Variants in VSTM4 observed in about 807,000 individuals in gnomAD.
VSTM4 encodes V-set and transmembrane domain-containing protein 4.
In VSTM4, 20 loss-of-function variants were observed where a neutral mutation model predicts 36.4. The ratio of observed to expected loss-of-function variants is 0.55; its 90% CI spans 0.39 to 0.80. VSTM4 has a LOEUF of 0.80. Among genes scored for constraint, VSTM4 ranks in the 30% least tolerant of loss-of-function variants. The pLI, the probability that VSTM4 is intolerant of heterozygous loss-of-function variation, is 0.00. For missense variants in VSTM4, 392 were observed against 404.5 expected, an observed-to-expected ratio of 0.97 and a Z score of 0.26; for synonymous variants, 182 against 173.9, an observed-to-expected ratio of 1.05 and a Z score of -0.37.
chr10:49,019,931 CATAATT>C (rs1427578841), intron 7 of VSTM4, among the ~76,000 whole-genome samples, 156 bp from the exon 8 acceptor site: 1 of 152,154 alleles, frequency 6.6e-6, no homozygotes, highest in Non-Finnish European at 1.5e-5. Flanking sequence ...TATCCAATAA[CATAATT>C]AATAAGATAG....
chr10:49,109,321 A>G (rs1002814469), intron 1 of VSTM4, among the ~76,000 whole-genome samples: 6 of 152,174 alleles, frequency 3.9e-5, no homozygotes, highest in African/African-American at 1.2e-4. Flanking sequence ...AACATTTGAC[A>G]AGGAGGCTGT....
chr10:49,033,786 T>C (rs1486375537), intron 7 of VSTM4, among the ~76,000 whole-genome samples: 1 of 152,142 alleles, frequency 6.6e-6, no homozygotes, highest in Non-Finnish European at 1.5e-5. Context: ...ACAATAAGAG[T>C]TGTCTCAAAG....
chr10:49,028,873 A>G (rs571535065), intron 7 of VSTM4, among the ~76,000 whole-genome samples: 1 of 152,382 alleles, frequency 6.6e-6, no homozygotes, highest in Non-Finnish European at 1.5e-5. Flanking sequence ...ACGTCATCTT[A>G]GAGTTTAAAA....
chr10:49,055,663 C>A (rs1314811427), intron 5 of VSTM4, among the ~76,000 whole-genome samples: 1 of 152,244 alleles, frequency 6.6e-6, no homozygotes, highest in African/African-American at 2.4e-5. Flanking sequence ...TTCCCTGCCA[C>A]TGAAACACAC....
At chr10:49,068,578 A>T (rs1194534961) in intron 4 of VSTM4, among the ~76,000 whole-genome samples, 3 of 152,208 alleles carry the variant, frequency 2.0e-5, no homozygotes, top group Non-Finnish European at 4.4e-5. Context: ...TCTGGACATC[A>T]AAGATGAGGT....
chr10:49,106,348 T>C (rs1185698699), intron 2 of VSTM4, among the ~76,000 whole-genome samples: 2 of 152,248 alleles, frequency 1.3e-5, no homozygotes, highest in African/African-American at 2.4e-5. Context: ...TGTGCCAAAC[T>C]AAATTCAATT....
At chr10:49,076,775 A>T (rs1844186171) in intron 4 of VSTM4, among the ~76,000 whole-genome samples, 1 of 152,190 alleles carries the variant, frequency 6.6e-6, no homozygotes, top group South Asian at 2.1e-4. Context: ...AGAACTGGGG[A>T]GACTTCCCAA....
chr10:49,068,462 T>G (rs182961435), intron 4 of VSTM4, among the ~76,000 whole-genome samples: 120 of 152,200 alleles, frequency 7.9e-4, no homozygotes, highest in African/African-American at 2.8e-3. Context: ...GTACAGGAGA[T>G]GCACCCCTGC....
chr10:49,051,521 G>A (rs778825786), intron 5 of VSTM4, among the ~76,000 whole-genome samples: 12 of 151,170 alleles, frequency 7.9e-5, no homozygotes, highest in African/African-American at 1.9e-4. Flanking sequence ...TCAGCCTCCC[G>A]AGTACCGGGG....
At chr10:49,104,469 C>A (rs1011061730) in intron 2 of VSTM4, among the ~76,000 whole-genome samples, 1 of 152,234 alleles carries the variant, frequency 6.6e-6, no homozygotes. Flanking sequence ...TGCACAGCCC[C>A]AGCCTGGGGC....
intron 2 of VSTM4, among the ~76,000 whole-genome samples, chr10:49,105,067 G>A (rs116670902): frequency 0.04 from 5,935 of 150,172 alleles, 214 homozygotes; most frequent in Non-Finnish European, 0.044. Flanking sequence ...GAGAGAGGGA[G>A]AGACAGAGAC....
intron 3 of VSTM4, 123 bp from the exon 4 acceptor site, chr10:49,077,449 G>C: frequency 1.2e-6 from 1 of 837,422 alleles, no homozygotes; most frequent in Non-Finnish European, 1.9e-6. Flanking sequence ...AAGGCAGTGT[G>C]GTATTGGTGC....
chr10:49,053,636 G>GT (rs1843732111), intron 5 of VSTM4, among the ~76,000 whole-genome samples: 1 of 152,226 alleles, frequency 6.6e-6, no homozygotes, highest in African/African-American at 2.4e-5. Context: ...TACAGGTGCA[G>GT]TGTAGACGTT....
intron 4 of VSTM4, among the ~76,000 whole-genome samples, chr10:49,067,858 A>G (rs1370490440): frequency 1.3e-5 from 2 of 152,184 alleles, no homozygotes; most frequent in Non-Finnish European, 2.9e-5. Context: ...CATTGATTCC[A>G]GAACCTCCCA....
rs1490030576 is a variant in VSTM4, at chr10:49,037,819, C to G, written c.837+9164G>C. Among the ~76,000 whole-genome samples the G allele has an allele frequency of 5.3e-5, 8 of 151,802 alleles. No individual in the cohort carries two copies. The South Asian group carries it at 8.3e-4, about 16-fold the overall frequency. On this transcript the variant is annotated intron_variant, in intron 7 of 7. Coordinates refer to ENST00000332853, the MANE Select transcript of VSTM4 (RefSeq NM_001031746.5). ...CAATGGACTTGAATAGCCATTTCTC[C>G]AAAGATAGACAAATGGCTGACAAGA...
At chr10:49,057,815 G>T (rs1426684065) in intron 5 of VSTM4, among the ~76,000 whole-genome samples, 2 of 152,230 alleles carry the variant, frequency 1.3e-5, no homozygotes, top group Non-Finnish European at 2.9e-5. Flanking sequence ...AAGCATGCAT[G>T]TGAGTTAAAA....
At chr10:49,103,373 AT>A in intron 2 of VSTM4, 1 of 357,118 alleles carries the variant, frequency 2.8e-6, no homozygotes, top group Non-Finnish European at 3.9e-6. Context: ...TAGGTTTTAA[AT>A]TTTAATTTGC....
At chr10:49,069,031 TTTC>T (rs1335651087) in intron 4 of VSTM4, among the ~76,000 whole-genome samples, 6 of 146,040 alleles carry the variant, frequency 4.1e-5, no homozygotes, top group East Asian at 2.1e-4. Context: ...ACCCCCACCC[TTTC>T]TTCTTCTTTT....
intron 7 of VSTM4, among the ~76,000 whole-genome samples, chr10:49,037,668 C>T (rs1843452465): frequency 6.6e-6 from 1 of 152,190 alleles, no homozygotes. Flanking sequence ...GAAAAAGTCA[C>T]TACAGGACAG....
Sources: allele counts gnomAD v4.1 joint callset (sites outside exome capture counted in the v4.1 genomes callset), GRCh38; gene constraint gnomAD v4.1.1; transcripts MANE v1.5; gene names NCBI Gene and HGNC (gene_info 2026-07-23, HGNC 2026-07-21).